Variants in FMN1 observed in about 807,000 individuals in gnomAD.
FMN1 encodes formin 1, also known as formin-1.
Under a neutral mutation model 132.4 loss-of-function variants are expected in FMN1, and 110 were observed. The ratio of observed to expected loss-of-function variants is 0.83; its 90% CI spans 0.71 to 0.97. The LOEUF (loss-of-function observed/expected upper bound fraction) is 0.97, where lower values mean the gene tolerates loss of function less well. Ranked by LOEUF, FMN1 falls within the 50% of genes least tolerant of loss-of-function variation. FMN1 has a pLI of 0.00. For synonymous variants in FMN1, 722 were observed against 651.7 expected, an observed-to-expected ratio of 1.11 and a Z score of -1.64; for missense variants, 1,792 against 1,705.3, an observed-to-expected ratio of 1.05 and a Z score of -0.90.
At chr15:33,168,729 T>C (rs1235628075) in intron 3 of FMN1, among the ~76,000 whole-genome samples, 1 of 152,246 alleles carries the variant, frequency 6.6e-6, no homozygotes, top group Non-Finnish European at 1.5e-5. Flanking sequence ...TGCTCAAGCA[T>C]TTAAACCAAC....
chr15:33,067,790 T>G, intron 5 of FMN1: 1 of 1,613,974 alleles, frequency 6.2e-7, no homozygotes, highest in Non-Finnish European at 8.5e-7. Context: ...CATAGAGAAC[T>G]TACTCAGGAT....
chr15:33,154,806 T>C lies in FMN1; in HGVS notation c.109A>G (p.Thr37Ala). 1 of 1,536,180 alleles carries C rather than the reference T, an allele frequency of 6.5e-7. No individual in the cohort carries two copies. Residue 37 changes from threonine to alanine, a missense_variant, in exon 4 of 21, where the codon ACT becomes GCT. By Grantham distance (58) the Thr-to-Ala change is moderately conservative (BLOSUM62 0). Transcript: ENST00000616417. ...GEVRGFSYKG[T>A]VTLDRSNKGF... Reference sequence around the variant, plus strand: ...TTATTGGATCTGTCTAGAGTTACAGTGCCCTTGTATGAAAATCCTCTGACT... The same window carrying C: ...TTATTGGATCTGTCTAGAGTTACAGCGCCCTTGTATGAAAATCCTCTGACT...
intron 4 of FMN1, among the ~76,000 whole-genome samples, chr15:33,125,649 G>C (rs982125245): frequency 6.6e-6 from 1 of 151,850 alleles, no homozygotes; most frequent in Non-Finnish European, 1.5e-5. Flanking sequence ...AGACTAGCCT[G>C]GTCAACATGG....
rs544500695 is a variant in FMN1 at position 33,154,204 on chromosome 15, G to A, written c.711C>T (p.Pro237=). The change falls in exon 4 of 21, where the codon CCC becomes CCT. Residue 237 remains proline (P), a synonymous_variant. Transcript: ENST00000616417. ...TGTCTGGCGTCTTGGGAATATCTGG[G>A]GGGCAGCTCTCTCTCCTCTGCAGGG... The part of the protein sequence containing the change: ...ACSLQRRESC[P]PDIPKTPDTD... The A allele has an allele frequency of 1.3e-5, 20 of 1,536,284 alleles. No individual in the cohort carries two copies. In the African/African-American group the frequency reaches 2.3e-4, roughly 18 times the overall value.
chr15:33,129,444 T>C (rs1465766167), intron 4 of FMN1, among the ~76,000 whole-genome samples: 5 of 152,246 alleles, frequency 3.3e-5, no homozygotes, highest in African/African-American at 1.2e-4. Context: ...GAGAGCTTTC[T>C]CAGTACCTGC....
At chr15:32,774,421 A>C (rs1021727016) in intron 20 of FMN1, 67 bp from the exon 21 acceptor site, 67 of 1,408,752 alleles carry the variant, frequency 4.8e-5, no homozygotes, top group Non-Finnish European at 6.3e-5. Flanking sequence ...TACATTTCTC[A>C]AATTTTGGTC....
chr15:32,773,229 C>T lies in FMN1; in HGVS notation c.*1081G>A, dbSNP rs1412788846. 6.6e-6 allele frequency: 1 copy of T among 152,078 alleles called. No homozygotes were observed. The highest frequency in any genetic ancestry group is 1.5e-5 in the Non-Finnish European group (1 of 68,028). The allele number at this position is 152,078 out of a possible 1,614,324, so 9.4% of individuals were successfully genotyped here. ...TTACTTTCATTTTGATGTAAGGAAC[C>T]TTTTTTCTGCCCTTCAGTTTTTTTG... On this transcript the variant is annotated 3_prime_UTR_variant, in exon 21 of 21. Coordinates refer to ENST00000616417, the MANE Select transcript of FMN1 (RefSeq NM_001277313.2).
At chr15:33,150,096 G>C in intron 4 of FMN1, 1 of 985,390 alleles carries the variant, frequency 1.0e-6, no homozygotes, top group Non-Finnish European at 1.2e-6. Context: ...ACAACCACAG[G>C]ATTACTCAAG....
At chr15:32,805,805 C>T (rs2057659244) in intron 17 of FMN1, among the ~76,000 whole-genome samples, 1 of 152,196 alleles carries the variant, frequency 6.6e-6, no homozygotes, top group South Asian at 2.1e-4. Flanking sequence ...TTGCCGCATA[C>T]TGCCTCCACA....
chr15:32,937,584 A>C (rs377087996), intron 9 of FMN1, among the ~76,000 whole-genome samples: 63 of 152,176 alleles, frequency 4.1e-4, no homozygotes, highest in African/African-American at 1.4e-3. Context: ...TTAGTTTCTG[A>C]GAGGCAAATG....
intron 3 of FMN1, among the ~76,000 whole-genome samples, chr15:33,176,555 T>C (rs965090240): frequency 7.3e-6 from 1 of 137,790 alleles, no homozygotes; most frequent in East Asian, 2.0e-4. Context: ...CCACTACTTG[T>C]CAGACATTTT....
intron 12 of FMN1, among the ~76,000 whole-genome samples, chr15:32,905,825 A>T (rs927519295): frequency 2.0e-5 from 3 of 152,214 alleles, no homozygotes; most frequent in South Asian, 2.1e-4. Context: ...AGAGTGGCAT[A>T]AATCAAACAA....
chr15:32,900,084 G>A lies in FMN1; in HGVS notation c.3549C>T (p.Leu1183=). 1 of 1,613,814 alleles carries A rather than the reference G, an allele frequency of 6.2e-7. No homozygotes were observed. The highest frequency in any genetic ancestry group is 1.1e-5 in the South Asian group (1 of 91,076). Residue 1183 remains leucine (L), a synonymous_variant, in exon 14 of 21, where the codon CTC becomes CTT. Transcript: ENST00000616417. ...TCATATAATTTCCAAAAGCCAAGAT[G>A]AGAGCTAAAATATCCTTCACGCTCT... ...HVKSVKDILA[L]ILAFGNYMNG...
chr15:32,862,031 C>A (rs2059280854), intron 16 of FMN1, among the ~76,000 whole-genome samples: 1 of 152,186 alleles, frequency 6.6e-6, no homozygotes, highest in Admixed American at 6.5e-5. Flanking sequence ...GAGGGCTGCC[C>A]TCCGACGGTC....
At chr15:32,956,173 A>G (rs1050404800) in intron 9 of FMN1, among the ~76,000 whole-genome samples, 18 of 152,120 alleles carry the variant, frequency 1.2e-4, no homozygotes, top group African/African-American at 3.9e-4. Flanking sequence ...TCAGCATTCT[A>G]AGGTGCCCTC....
chr15:32,910,180 T>G lies in FMN1; in HGVS notation c.3288+294A>C, dbSNP rs576053281. On this transcript the variant is annotated intron_variant, in intron 11 of 20. Coordinates refer to ENST00000616417, the MANE Select transcript of FMN1 (RefSeq NM_001277313.2). ...CTATCATTTCAGTAGGCAGCTTACCTTCATTCACTTGGCCAGCAAGTGACA... is the reference window on the plus strand; with the variant it reads ...CTATCATTTCAGTAGGCAGCTTACCGTCATTCACTTGGCCAGCAAGTGACA... Among the ~76,000 whole-genome samples, 102 of 152,326 alleles carry G rather than the reference T, an allele frequency of 6.7e-4. 1 individual carries two copies. Among genetic ancestry groups the G allele is most frequent in the Admixed American group, 1.2e-3 (18 of 15,302 alleles).
intron 17 of FMN1, among the ~76,000 whole-genome samples, chr15:32,823,152 GTTTTTTT>G (rs373185751): frequency 0.014 from 1,226 of 86,138 alleles, 8 homozygotes; most frequent in Middle Eastern, 0.027. Context: ...AGTTTCTACT[GTTTTTTT>G]TTTTTTTTTT....
intron 16 of FMN1, 78 bp from the exon 17 acceptor site, chr15:32,857,185 G>A (rs545363485): frequency 1.8e-6 from 2 of 1,096,566 alleles, no homozygotes; most frequent in Non-Finnish European, 2.8e-6. Flanking sequence ...ACTGTGCTAT[G>A]CACTTGGCTA....
In FMN1 at chr15:33,180,225, C is replaced by G. The variant is rs1268953946; in HGVS notation, c.-159G>C. 1 of 151,254 alleles carries G rather than the reference C, an allele frequency of 6.6e-6. No individual in the cohort carries two copies. The highest frequency in any genetic ancestry group is 1.5e-5 in the Non-Finnish European group (1 of 68,002). The allele number at this position is 151,254 out of a possible 1,614,324, so 9.4% of individuals were successfully genotyped here. A position where few individuals can be genotyped will look rare whatever the true frequency, so the allele number is the denominator to read the frequency against. ...AGATCAGCCTTCGCTTGGGCAGGGT[C>G]CAGATGCGGAGATGTGAAAAACGTG... On this transcript the variant is annotated 5_prime_UTR_variant, in exon 3 of 21. Coordinates refer to ENST00000616417, the MANE Select transcript of FMN1 (RefSeq NM_001277313.2).
Sources: allele counts gnomAD v4.1 joint callset (sites outside exome capture counted in the v4.1 genomes callset), GRCh38; gene constraint gnomAD v4.1.1; transcripts MANE v1.5; gene names NCBI Gene and HGNC (gene_info 2026-07-23, HGNC 2026-07-21).